Variants in TAFA2 observed in about 807,000 individuals in gnomAD.
TAFA2 encodes the protein TAFA chemokine like family member 2, also known as chemokine-like protein TAFA-2.
In TAFA2, 7 loss-of-function variants were observed where a neutral mutation model predicts 18.8. The observed-to-expected ratio is 0.37, with a 90% confidence interval of 0.21 to 0.70. The LOEUF is 0.70. Among genes scored for constraint, TAFA2 ranks in the 30% least tolerant of loss-of-function variants. TAFA2 has a pLI of 0.53. For synonymous variants in TAFA2, 60 were observed against 54.2 expected (o/e 1.11, Z -0.47); for missense variants, 122 against 158.1 (o/e 0.77, Z 1.23).
intron 1 of TAFA2, among the ~76,000 whole-genome samples, chr12:62,037,207 G>T (rs1257396900): frequency 6.6e-6 from 1 of 152,150 alleles, no homozygotes; most frequent in African/African-American, 2.4e-5. Context: ...CTAAGTGTGG[G>T]CTCTGCCCAT....
intron 1 of TAFA2, among the ~76,000 whole-genome samples, chr12:62,210,423 T>A (rs2062708714): frequency 6.6e-6 from 1 of 152,204 alleles, no homozygotes; most frequent in African/African-American, 2.4e-5. Flanking sequence ...ACTTTTAATA[T>A]GATATAGGAT....
intron 1 of TAFA2, among the ~76,000 whole-genome samples, chr12:62,114,375 G>T (rs1047492744): frequency 6.6e-6 from 1 of 152,116 alleles, no homozygotes; most frequent in Non-Finnish European, 1.5e-5. Flanking sequence ...TAGAAATGTA[G>T]AAATCACCTA....
At chr12:61,996,706 T>G (rs1310911474) in intron 1 of TAFA2, among the ~76,000 whole-genome samples, 1 of 152,144 alleles carries the variant, frequency 6.6e-6, no homozygotes, top group East Asian at 1.9e-4. Context: ...TTCCAAGCAC[T>G]CCACTTATGT....
chr12:62,112,676 C>T (rs1000404184), intron 1 of TAFA2, among the ~76,000 whole-genome samples: 3 of 151,898 alleles, frequency 2.0e-5, no homozygotes, highest in African/African-American at 7.3e-5. Flanking sequence ...AGGCTTTCTT[C>T]GTTCCTTTTC....
At chr12:61,726,564 T>G (rs1438195602) in intron 4 of TAFA2, among the ~76,000 whole-genome samples, 1 of 152,108 alleles carries the variant, frequency 6.6e-6, no homozygotes, top group Non-Finnish European at 1.5e-5. Flanking sequence ...GCAGTGCTAC[T>G]GATTTGTGTA....
chr12:62,028,879 G>A (rs1881377072), intron 1 of TAFA2, among the ~76,000 whole-genome samples: 1 of 152,094 alleles, frequency 6.6e-6, no homozygotes, highest in Admixed American at 6.6e-5. Flanking sequence ...GTTCCTGTTT[G>A]CTTCTCTTCA....
chr12:61,712,872 T>A (rs866940706), intron 4 of TAFA2, among the ~76,000 whole-genome samples: 1 of 152,162 alleles, frequency 6.6e-6, no homozygotes. Context: ...CATCAAGAGC[T>A]CTGTATTTAG....
At chr12:62,098,570 A>T (rs1404185594) in intron 1 of TAFA2, among the ~76,000 whole-genome samples, 4 of 152,176 alleles carry the variant, frequency 2.6e-5, no homozygotes, top group Non-Finnish European at 5.9e-5. Flanking sequence ...TAAGGCTCTA[A>T]TTCTTGCCTC....
At chr12:61,817,886 T>A (rs1394683387) in intron 2 of TAFA2, among the ~76,000 whole-genome samples, 1 of 152,054 alleles carries the variant, frequency 6.6e-6, no homozygotes, top group East Asian at 1.9e-4. Flanking sequence ...CAAACCTCAT[T>A]CTCAGAAACT....
chr12:61,860,671 T>C (rs940039116), intron 2 of TAFA2, among the ~76,000 whole-genome samples: 1 of 152,224 alleles, frequency 6.6e-6, no homozygotes, highest in East Asian at 1.9e-4. Flanking sequence ...CTTTGTTTCA[T>C]GTCTCAGTAG....
intron 2 of TAFA2, among the ~76,000 whole-genome samples, chr12:61,784,294 A>C (rs943805558): frequency 6.6e-6 from 1 of 151,418 alleles, no homozygotes; most frequent in Non-Finnish European, 1.5e-5. Context: ...AGGGTCTGAG[A>C]AGTTGTTTTA....
At chr12:61,933,637 C>T (rs1310971603) in intron 1 of TAFA2, among the ~76,000 whole-genome samples, 6 of 152,110 alleles carry the variant, frequency 3.9e-5, no homozygotes, top group Non-Finnish European at 4.4e-5. Flanking sequence ...GACTAAGGAT[C>T]TTTTGAGCCC....
intron 2 of TAFA2, among the ~76,000 whole-genome samples, chr12:61,786,344 C>T (rs1343072200): frequency 1.3e-5 from 2 of 151,524 alleles, no homozygotes. Context: ...TCCAAGTAAC[C>T]TGTGTCCCAG....
At position 61,815,285 on chromosome 12, in the gene TAFA2, G is replaced by T. The variant is rs1390767960; in HGVS notation, c.106+52035C>A. Among the ~76,000 whole-genome samples the T allele has an allele frequency of 1.4e-4, 21 of 151,290 alleles. 2 individuals are homozygous for T. Among genetic ancestry groups the T allele is most frequent in the African/African-American group, 5.2e-4 (21 of 40,632 alleles). ...GGTAGATTGTAGAGTAAACCAGTTT[G>T]GCATGGGAGGAAAAAAGAAAATCAA... On this transcript the variant is annotated intron_variant, in intron 2 of 4. Transcript: ENST00000416284.
chr12:62,204,123 G>T (rs1262077861), intron 1 of TAFA2, among the ~76,000 whole-genome samples: 1 of 152,082 alleles, frequency 6.6e-6, no homozygotes, highest in African/African-American at 2.4e-5. Flanking sequence ...TGAAATTCTG[G>T]GTTGGAAATT....
chr12:62,253,116 C>T (rs1233603834), intron 1 of TAFA2: 2 of 152,198 alleles, frequency 1.3e-5, no homozygotes, highest in Non-Finnish European at 1.5e-5. Context: ...TAAGTGAGAG[C>T]TCATGCTGTG....
At chr12:62,058,102 T>C (rs894113289) in intron 1 of TAFA2, among the ~76,000 whole-genome samples, 1 of 152,254 alleles carries the variant, frequency 6.6e-6, no homozygotes, top group African/African-American at 2.4e-5. Flanking sequence ...CTTTTAATAA[T>C]TTAAGATATT....
chr12:61,737,251 C>T (rs1362299721), intron 4 of TAFA2, among the ~76,000 whole-genome samples: 1 of 151,716 alleles, frequency 6.6e-6, no homozygotes, highest in Non-Finnish European at 1.5e-5. Context: ...TTTTCTATTA[C>T]ATTTTAAAGA....
chr12:62,095,995 A>T (rs1868933351), intron 1 of TAFA2, among the ~76,000 whole-genome samples: 2 of 152,126 alleles, frequency 1.3e-5, no homozygotes, highest in African/African-American at 4.8e-5. Flanking sequence ...TTTTACAAAG[A>T]CTGATATTAG....
Sources: gnomAD v4.1 joint callset for allele counts (sites outside exome capture counted in the v4.1 genomes callset) on GRCh38, gnomAD v4.1.1 for gene constraint, MANE v1.5 for transcripts, NCBI Gene and HGNC (gene_info 2026-07-23, HGNC 2026-07-21) for gene names.